GPC6: variants seen among roughly 807,000 people sequenced by gnomAD.
GPC6 encodes the protein glypican-6.
GPC6 carries 14 observed loss-of-function variants against 55.2 expected under a neutral mutation model. That is an observed-to-expected ratio of 0.25 (90% CI 0.17 to 0.40). GPC6 has a LOEUF of 0.40. GPC6 is among the 10% of genes least tolerant of loss of function. The pLI is 1.00. For synonymous variants in GPC6, 278 were observed against 259.6 expected, an observed-to-expected ratio of 1.07 and a Z score of -0.68; for missense variants, 641 against 708.5, an observed-to-expected ratio of 0.90 and a Z score of 1.08.
chr13:94,198,841 G>C (rs191973697), intron 4 of GPC6, among the ~76,000 whole-genome samples: 61 of 152,334 alleles, frequency 4.0e-4, no homozygotes, highest in Non-Finnish European at 7.2e-4. Context: ...CCCTGCCGGA[G>C]CTGGGATTCA....
At chr13:93,982,305 A>G (rs1358268286) in intron 3 of GPC6, among the ~76,000 whole-genome samples, 1 of 152,106 alleles carries the variant, frequency 6.6e-6, no homozygotes, top group Non-Finnish European at 1.5e-5. Context: ...AAATCAGAAA[A>G]GAGAAGACAA....
chr13:93,954,010 C>A (rs986714175), intron 3 of GPC6, among the ~76,000 whole-genome samples: 1 of 152,118 alleles, frequency 6.6e-6, no homozygotes, highest in Non-Finnish European at 1.5e-5. Context: ...AATTCCAGAA[C>A]ATTTTTATCA....
At chr13:93,364,528 A>AT (rs967384249) in intron 1 of GPC6, among the ~76,000 whole-genome samples, 7 of 151,634 alleles carry the variant, frequency 4.6e-5, no homozygotes, top group Admixed American at 2.0e-4. Context: ...ATTTAGGAGC[A>AT]TTTTTTTCCT....
intron 4 of GPC6, among the ~76,000 whole-genome samples, chr13:94,219,762 A>C (rs1362444014): frequency 6.6e-6 from 1 of 152,116 alleles, no homozygotes; most frequent in Admixed American, 6.6e-5. Context: ...AAGAGAAAGG[A>C]ATGATGGCTT....
intron 2 of GPC6, among the ~76,000 whole-genome samples, chr13:93,788,696 A>G (rs1005103532): frequency 6.6e-6 from 1 of 152,066 alleles, no homozygotes; most frequent in South Asian, 2.1e-4. Flanking sequence ...TCAGTGACTA[A>G]GACAGAGAGG....
intron 5 of GPC6, among the ~76,000 whole-genome samples, chr13:94,302,708 A>G (rs1875720297): frequency 6.6e-6 from 1 of 152,152 alleles, no homozygotes; most frequent in Non-Finnish European, 1.5e-5. Context: ...CTAGGCTGGG[A>G]ACTTCTGTAA....
At chr13:93,218,590 A>C in the GPC6 span, among the ~76,000 whole-genome samples, 1 of 152,218 alleles carries the variant, frequency 6.6e-6, no homozygotes, top group Non-Finnish European at 1.5e-5. Flanking sequence ...TGGAAGATGG[A>C]AGTATGTTTG....
intron 1 of GPC6, among the ~76,000 whole-genome samples, chr13:93,341,949 C>T (rs1880272562): frequency 6.7e-6 from 1 of 149,662 alleles, no homozygotes; most frequent in Non-Finnish European, 1.5e-5. Context: ...TGGAGTCTCA[C>T]TCGGTTGCCC....
chr13:93,944,994 A>G (rs1230293339), intron 3 of GPC6, among the ~76,000 whole-genome samples: 1 of 152,114 alleles, frequency 6.6e-6, no homozygotes, highest in Admixed American at 6.5e-5. Flanking sequence ...AACCAAGACT[A>G]ATGTTTTCAG....
intron 3 of GPC6, among the ~76,000 whole-genome samples, chr13:93,835,368 T>A (rs904688881): frequency 2.6e-5 from 4 of 151,824 alleles, no homozygotes; most frequent in African/African-American, 9.7e-5. Context: ...AGTGGGAGAG[T>A]GGCTTGAGCC....
At chr13:93,720,939 A>T (rs995913242) in intron 2 of GPC6, among the ~76,000 whole-genome samples, 1 of 151,358 alleles carries the variant, frequency 6.6e-6, no homozygotes, top group Non-Finnish European at 1.5e-5. Context: ...GACTGTTATG[A>T]TTTCCATTCT....
chr13:94,245,956 G>T (rs892497508), intron 4 of GPC6, among the ~76,000 whole-genome samples: 4 of 151,910 alleles, frequency 2.6e-5, no homozygotes, highest in African/African-American at 9.7e-5. Context: ...TCCTATAATG[G>T]CTGCACCAAT....
intron 3 of GPC6, among the ~76,000 whole-genome samples, chr13:93,931,091 C>T (rs1446844677): frequency 1.3e-5 from 2 of 152,100 alleles, no homozygotes; most frequent in Non-Finnish European, 2.9e-5. Flanking sequence ...TCAGCTCCAG[C>T]GATCCAGTCA....
intron 4 of GPC6, among the ~76,000 whole-genome samples, chr13:94,079,277 A>G (rs1327753859): frequency 1.3e-5 from 2 of 152,106 alleles, no homozygotes; most frequent in Admixed American, 6.6e-5. Flanking sequence ...AAATTTTCCC[A>G]GAACATTTTG....
chr13:93,257,154 T>C (rs1876981760), intron 1 of GPC6, among the ~76,000 whole-genome samples: 1 of 151,870 alleles, frequency 6.6e-6, no homozygotes. Context: ...AAAAAAAAAT[T>C]ATCAGGCATG....
At chr13:94,201,719 G>A (rs1481252731) in intron 4 of GPC6, among the ~76,000 whole-genome samples, 1 of 152,116 alleles carries the variant, frequency 6.6e-6, no homozygotes, top group Non-Finnish European at 1.5e-5. Flanking sequence ...TGGAGGTGAA[G>A]GCAGGCCGAT....
chr13:93,601,386 A>G (rs1878009379), intron 2 of GPC6, among the ~76,000 whole-genome samples: 1 of 152,134 alleles, frequency 6.6e-6, no homozygotes, highest in Non-Finnish European at 1.5e-5. Context: ...CTATCTCAAA[A>G]TAATAGTAAT....
intron 3 of GPC6, among the ~76,000 whole-genome samples, chr13:94,022,755 A>G (rs1420645466): frequency 1.3e-5 from 2 of 152,104 alleles, no homozygotes; most frequent in African/African-American, 2.4e-5. Flanking sequence ...AACACTTGTT[A>G]TCATCTGCTT....
At position 93,588,367 on chromosome 13, in the gene GPC6, AGTGTGTGTGT is replaced by A. The variant is rs71123497; in HGVS notation, c.319+42971_319+42980del. Among the ~76,000 whole-genome samples, 315 of 150,496 alleles carry A rather than the reference AGTGTGTGTGT, an allele frequency of 2.1e-3. 1 individual carries two copies. Among genetic ancestry groups the A allele is most frequent in the African/African-American group, 3.6e-3 (149 of 40,974 alleles). Reference sequence around the variant, plus strand: ...GCTTTTAAAACAAGAGTGGCTATTAAGTGTGTGTGTGTGTGTGTGTGTGTGTGTGTGTGTA... The same window carrying A: ...GCTTTTAAAACAAGAGTGGCTATTAAGTGTGTGTGTGTGTGTGTGTGTGTA... On this transcript the variant is annotated intron_variant, in intron 2 of 8. Coordinates refer to ENST00000377047, the MANE Select transcript of GPC6 (RefSeq NM_005708.5).
Sources: allele counts gnomAD v4.1 joint callset (sites outside exome capture counted in the v4.1 genomes callset), GRCh38; gene constraint gnomAD v4.1.1; transcripts MANE v1.5; gene names NCBI Gene and HGNC (gene_info 2026-07-23, HGNC 2026-07-21).